Variants in ZMAT4 observed in about 807,000 individuals in gnomAD.
The protein encoded by ZMAT4 is zinc finger matrin-type protein 4.
ZMAT4 carries 17 observed loss-of-function variants against 28.7 expected under a neutral mutation model. The observed-to-expected ratio is 0.59, with a 90% CI of 0.41 to 0.89. The LOEUF (loss-of-function observed/expected upper bound fraction) is 0.89. Ranked by LOEUF, ZMAT4 falls within the 40% of genes least tolerant of loss-of-function variation. ZMAT4 has a pLI of 0.00. For missense variants in ZMAT4, 240 were observed against 283.8 expected (o/e 0.85, Z 1.11); for synonymous variants, 117 against 109.2 (o/e 1.07, Z -0.44).
At chr8:40,776,178 A>G (rs1016532792) in intron 2 of ZMAT4, among the ~76,000 whole-genome samples, 1 of 152,242 alleles carries the variant, frequency 6.6e-6, no homozygotes, top group Non-Finnish European at 1.5e-5. Context: ...TCTTCTACAC[A>G]GCAATCCGTT....
intron 1 of ZMAT4, among the ~76,000 whole-genome samples, chr8:40,843,019 T>C (rs1586153181): frequency 6.6e-6 from 1 of 152,096 alleles, no homozygotes; most frequent in African/African-American, 2.4e-5. Context: ...TCAGGTGATC[T>C]ACCCACCTCA....
chr8:40,787,581 C>T (rs547458655), intron 2 of ZMAT4, among the ~76,000 whole-genome samples: 4 of 152,318 alleles, frequency 2.6e-5, no homozygotes, highest in African/African-American at 9.6e-5. Context: ...CACTTTACAG[C>T]TTCTCTTTGG....
chr8:40,624,172 C>T (rs1236345953), intron 5 of ZMAT4, among the ~76,000 whole-genome samples: 1 of 152,146 alleles, frequency 6.6e-6, no homozygotes, highest in Non-Finnish European at 1.5e-5. Flanking sequence ...TGGAGATAGT[C>T]TTTAGGAGGT....
chr8:40,564,696 C>T (rs939866665), intron 6 of ZMAT4, among the ~76,000 whole-genome samples: 9 of 152,136 alleles, frequency 5.9e-5, no homozygotes, highest in African/African-American at 2.2e-4. Context: ...AAATTACTCA[C>T]ATTAGTAGAG....
At chr8:40,787,436 CA>C (rs1310911017) in intron 2 of ZMAT4, among the ~76,000 whole-genome samples, 1 of 152,188 alleles carries the variant, frequency 6.6e-6, no homozygotes, top group Non-Finnish European at 1.5e-5. Context: ...AATGAGACAG[CA>C]AAAGTAACAC....
intron 2 of ZMAT4, among the ~76,000 whole-genome samples, chr8:40,822,562 T>C (rs1367926069): frequency 6.6e-6 from 1 of 152,184 alleles, no homozygotes; most frequent in Admixed American, 6.5e-5. Flanking sequence ...ATATCAGTTT[T>C]CAAATGGCCT....
At chr8:40,775,383 C>A (rs1049146725) in intron 2 of ZMAT4, among the ~76,000 whole-genome samples, 1 of 152,198 alleles carries the variant, frequency 6.6e-6, no homozygotes, top group Non-Finnish European at 1.5e-5. Flanking sequence ...TAGTCCTAAG[C>A]GGCATTGCCC....
chr8:40,811,515 G>A (rs1815315457), intron 2 of ZMAT4, among the ~76,000 whole-genome samples: 3 of 152,166 alleles, frequency 2.0e-5, no homozygotes, highest in Non-Finnish European at 2.9e-5. Context: ...CCAACGTAGT[G>A]GATTAGCATC....
intron 2 of ZMAT4, among the ~76,000 whole-genome samples, chr8:40,794,176 G>A (rs543080634): frequency 3.2e-4 from 49 of 152,238 alleles, no homozygotes; most frequent in Middle Eastern, 3.4e-3. Context: ...GCATAATGTG[G>A]TGCAGAACTC....
In ZMAT4 at chr8:40,590,895, TCTA is replaced by T. The variant is rs1259215885; in HGVS notation, c.578-9637_578-9635del. ...CCCATTAGGTTCCATCTCAATGAGT[TCTA>T]CCTATTCCTCTAGGGATAGCAAATA... is the stretch of plus-strand genomic sequence containing the variant. On this transcript the variant is annotated intron_variant, in intron 5 of 6. Transcript: ENST00000297737. Among the ~76,000 whole-genome samples, 5 of 152,192 alleles carry T rather than the reference TCTA, an allele frequency of 3.3e-5. No homozygotes were observed. In the East Asian group the frequency reaches 9.7e-4, roughly 29 times the overall value.
intron 2 of ZMAT4, among the ~76,000 whole-genome samples, chr8:40,771,571 A>T (rs1463365784): frequency 6.6e-6 from 1 of 152,222 alleles, no homozygotes; most frequent in Non-Finnish European, 1.5e-5. Context: ...CCACATTTTC[A>T]TCAACCCTTG....
intron 2 of ZMAT4, among the ~76,000 whole-genome samples, chr8:40,818,389 CA>C (rs1815624958): frequency 6.6e-6 from 1 of 152,248 alleles, no homozygotes; most frequent in East Asian, 1.9e-4. Context: ...ACCAATCATC[CA>C]AAAAGATCTT....
At chr8:40,543,493 C>T (rs1280613750) in intron 6 of ZMAT4, among the ~76,000 whole-genome samples, 1 of 152,182 alleles carries the variant, frequency 6.6e-6, no homozygotes, top group South Asian at 2.1e-4. Context: ...ATAACGATAT[C>T]CTCCAAATTG....
intron 1 of ZMAT4, among the ~76,000 whole-genome samples, chr8:40,882,801 A>C (rs1473994917): frequency 4.6e-5 from 7 of 152,114 alleles, no homozygotes; most frequent in Non-Finnish European, 8.8e-5. Context: ...AAATCTGTGG[A>C]GTTACCTTGG....
chr8:40,680,335 G>A (rs910290140), intron 4 of ZMAT4, among the ~76,000 whole-genome samples: 11 of 152,230 alleles, frequency 7.2e-5, no homozygotes, highest in African/African-American at 1.9e-4. Flanking sequence ...AGGACCTGTG[G>A]TTTTTGGGGC....
At chr8:40,834,470 G>T (rs1816404981) in intron 1 of ZMAT4, among the ~76,000 whole-genome samples, 1 of 152,056 alleles carries the variant, frequency 6.6e-6, no homozygotes, top group African/African-American at 2.4e-5. Context: ...TTCACCAAAT[G>T]GCCTCTGCTT....
At chr8:40,677,276 T>C (rs933739957) in intron 4 of ZMAT4, among the ~76,000 whole-genome samples, 6 of 148,192 alleles carry the variant, frequency 4.0e-5, no homozygotes, top group Non-Finnish European at 3.0e-5. Flanking sequence ...ATCTTGTGTA[T>C]AGTCTGAAAG....
At chr8:40,788,897 G>T (rs1308569466) in intron 2 of ZMAT4, among the ~76,000 whole-genome samples, 1 of 150,952 alleles carries the variant, frequency 6.6e-6, no homozygotes, top group Non-Finnish European at 1.5e-5. Flanking sequence ...ATTTGTCCCA[G>T]GAATCCAAGG....
At chr8:40,769,134 A>G (rs1339123536) in intron 2 of ZMAT4, among the ~76,000 whole-genome samples, 1 of 152,222 alleles carries the variant, frequency 6.6e-6, no homozygotes, top group Non-Finnish European at 1.5e-5. Flanking sequence ...AGTGCCAATG[A>G]AACATGAAAA....
Sources: allele counts gnomAD v4.1 joint callset (sites outside exome capture counted in the v4.1 genomes callset), GRCh38; gene constraint gnomAD v4.1.1; transcripts MANE v1.5; gene names NCBI Gene and HGNC (gene_info 2026-07-23, HGNC 2026-07-21).